TMPRSS4: variants seen among roughly 807,000 people sequenced by gnomAD.
TMPRSS4 encodes transmembrane protease serine 4.
TMPRSS4 carries 45 observed loss-of-function variants against 56.4 expected under a neutral mutation model. That is an observed-to-expected ratio of 0.80 (90% confidence interval 0.63 to 1.02). TMPRSS4 has a LOEUF of 1.02. Among genes scored for constraint, TMPRSS4 ranks in the 50% least tolerant of loss-of-function variants. The pLI, the probability that TMPRSS4 is intolerant of heterozygous loss-of-function variation, is 0.00. For missense variants in TMPRSS4, 546 were observed against 556.7 expected (o/e 0.98, Z 0.19); for synonymous variants, 205 against 211.0 (o/e 0.97, Z 0.25).
intron 1 of TMPRSS4, among the ~76,000 whole-genome samples, chr11:118,083,029 G>A (rs938767115): frequency 6.6e-6 from 1 of 151,498 alleles, no homozygotes; most frequent in Non-Finnish European, 1.5e-5. Context: ...CCCCACCCCC[G>A]CCACTTCTGC....
At position 118,115,763 on chromosome 11, in the gene TMPRSS4, C is replaced by G. The variant is rs552202774; in HGVS notation, c.1152+483C>G. ...GCTTGAACCCAGGAGGCAGAGGTTG[C>G]AGTAAGCTGAGATTGCGCCACTGCA... On this transcript the variant is annotated intron_variant, in intron 11 of 12. Coordinates refer to ENST00000437212, the MANE Select transcript of TMPRSS4 (RefSeq NM_019894.4). Among the ~76,000 whole-genome samples, 3 of 152,298 alleles carry G rather than the reference C, an allele frequency of 2.0e-5. No homozygotes were observed. The South Asian group carries it at 6.2e-4, about 32-fold the overall frequency.
At position 118,115,388 on chromosome 11, in the gene TMPRSS4, G is replaced by A; in HGVS notation, c.1152+108G>A. ...CTACAGGAAGCCTTGCATATCATGG[G>A]CACTCAATGTGTGATGATGGGAGGA... is the stretch of plus-strand genomic sequence containing the variant. On this transcript the variant is annotated intron_variant, in intron 11 of 12. Coordinates refer to ENST00000437212, the MANE Select transcript of TMPRSS4 (RefSeq NM_019894.4). 5 of 1,363,582 alleles carry A rather than the reference G, an allele frequency of 3.7e-6. No individual in the cohort carries two copies. In the South Asian group the frequency reaches 4.2e-5, roughly 11 times the overall value. The allele number at this position is 1,363,582 out of a possible 1,614,324, so 84.5% of individuals were successfully genotyped here.
intron 11 of TMPRSS4, among the ~76,000 whole-genome samples, chr11:118,116,857 G>A (rs1947583999): frequency 6.6e-6 from 1 of 151,808 alleles, no homozygotes; most frequent in African/African-American, 2.4e-5. Flanking sequence ...GATTACAGGT[G>A]CCTGCCACTA....
At chr11:118,125,090 C>T (rs1008029276), downstream of TMPRSS4, among the ~76,000 whole-genome samples, 15 of 152,346 alleles carry the variant, frequency 9.8e-5, no homozygotes, top group East Asian at 7.7e-4. Flanking sequence ...GGGTGGCCTT[C>T]GTTGCATGCA....
At chr11:118,108,711 A>T in intron 6 of TMPRSS4, 145 bp from the exon 7 acceptor site, 1 of 711,886 alleles carries the variant, frequency 1.4e-6, no homozygotes, top group Non-Finnish European at 2.4e-6. Flanking sequence ...ATGTCAATGC[A>T]GTCTCCAAAT....
At chr11:118,108,961 C>A in intron 7 of TMPRSS4, 65 bp downstream of exon 7, 1 of 1,554,458 alleles carries the variant, frequency 6.4e-7, no homozygotes, top group Non-Finnish European at 8.8e-7. Context: ...GGAAGACCTT[C>A]ATCTTCACTC....
intron 1 of TMPRSS4, among the ~76,000 whole-genome samples, chr11:118,090,821 AAC>A (rs375243175): frequency 0.042 from 5,917 of 139,916 alleles, 162 homozygotes; most frequent in East Asian, 0.13. Flanking sequence ...CACACACACA[AAC>A]ACACACACAC....
At chr11:118,123,336 A>C (rs1208562921), downstream of TMPRSS4, among the ~76,000 whole-genome samples, 1 of 152,232 alleles carries the variant, frequency 6.6e-6, no homozygotes, top group Non-Finnish European at 1.5e-5. Flanking sequence ...CTTCCCAAAA[A>C]TGTTTAACAT....
At chr11:118,105,497 GC>G (rs1946944503) in intron 5 of TMPRSS4, 1 of 152,112 alleles carries the variant, frequency 6.6e-6, no homozygotes, top group African/African-American at 2.4e-5. Flanking sequence ...TAGGGTACTA[GC>G]TGGGAGGTAG....
intron 2 of TMPRSS4, among the ~76,000 whole-genome samples, chr11:118,095,582 G>T (rs549033801): frequency 2.1e-4 from 32 of 152,276 alleles, no homozygotes; most frequent in Middle Eastern, 3.4e-3. Flanking sequence ...GTAGGCCATG[G>T]TGTCCCCAAG....
At chr11:118,103,283 G>A in intron 4 of TMPRSS4, 30 bp downstream of exon 4, 14 of 1,602,656 alleles carry the variant, frequency 8.7e-6, no homozygotes, top group Non-Finnish European at 1.1e-5. Flanking sequence ...CACAAGAGAA[G>A]TGGGCCCAGC....
downstream of TMPRSS4, among the ~76,000 whole-genome samples, chr11:118,124,325 C>T (rs1014933204): frequency 6.6e-6 from 1 of 152,074 alleles, no homozygotes; most frequent in African/African-American, 2.4e-5. Context: ...GCGGAGGTTG[C>T]AGTGAGCTGA....
chr11:118,119,323 A>G lies in TMPRSS4; in HGVS notation c.*1410A>G, dbSNP rs1947710406. The G allele has an allele frequency of 1.0e-6, 1 of 985,326 alleles. No individual in the cohort carries two copies. The highest frequency in any genetic ancestry group is 1.2e-6 in the Non-Finnish European group (1 of 829,936). The allele number at this position is 985,326 out of a possible 1,614,324, so 61.0% of individuals were successfully genotyped here. On this transcript the variant is annotated 3_prime_UTR_variant, in exon 13 of 13. Coordinates refer to ENST00000437212, the MANE Select transcript of TMPRSS4 (RefSeq NM_019894.4). ...AGGGCTCCTACATGAAGCAGGGATAACTGATGGCAGTAAATGTGGTCTCAA... is the reference window on the plus strand; with the variant it reads ...AGGGCTCCTACATGAAGCAGGGATAGCTGATGGCAGTAAATGTGGTCTCAA...
intron 5 of TMPRSS4, chr11:118,107,561 C>G: frequency 2.2e-6 from 1 of 452,932 alleles, no homozygotes; most frequent in Non-Finnish European, 4.0e-6. Context: ...CAGCAATGCA[C>G]TGAGGGTTGA....
At position 118,118,549 on chromosome 11, in the gene TMPRSS4, T is replaced by C. The variant is rs979284642; in HGVS notation, c.*636T>C. On this transcript the variant is annotated 3_prime_UTR_variant, in exon 13 of 13. Coordinates refer to ENST00000437212, the MANE Select transcript of TMPRSS4 (RefSeq NM_019894.4). ...GAGAAAAGAAGTCCTGGGGAAGCAATTGAGTCTCAAAGTAGAGGCAGGGGA... is the reference window on the plus strand; with the variant it reads ...GAGAAAAGAAGTCCTGGGGAAGCAACTGAGTCTCAAAGTAGAGGCAGGGGA... 5 of 985,362 alleles carry C rather than the reference T, an allele frequency of 5.1e-6. No homozygotes were observed. Among genetic ancestry groups the C allele is most frequent in the East Asian group, 1.1e-4 (1 of 8,824 alleles). The allele number at this position is 985,362 out of a possible 1,614,324, so 61.0% of individuals were successfully genotyped here.
rs534069124 is a variant in TMPRSS4, at chr11:118,118,122, C to T, written c.*209C>T. On this transcript the variant is annotated 3_prime_UTR_variant, in exon 13 of 13. Coordinates refer to ENST00000437212, the MANE Select transcript of TMPRSS4 (RefSeq NM_019894.4). ...CCAGAGGAAGTCAGCAGCCCTAGCTCGGCCACACTTGGTGCTCCCAGCATC... is the reference window on the plus strand; with the variant it reads ...CCAGAGGAAGTCAGCAGCCCTAGCTTGGCCACACTTGGTGCTCCCAGCATC... 14 of 1,425,738 alleles carry T rather than the reference C, an allele frequency of 9.8e-6. No individual in the cohort carries two copies. Among genetic ancestry groups the T allele is most frequent in the East Asian group, 2.5e-5 (1 of 39,396 alleles). 88.3% of individuals were successfully genotyped at this position (1,425,738 alleles called of 1,614,324 possible).
intron 1 of TMPRSS4, 74 bp downstream of exon 1, chr11:118,077,379 G>T: frequency 6.7e-7 from 1 of 1,491,764 alleles, no homozygotes; most frequent in Non-Finnish European, 9.0e-7. Flanking sequence ...CAAGCAGCCT[G>T]AGCATCCATC....
Position 118,115,185 on chromosome 11 carries a change from A to C in TMPRSS4, c.1057A>C (p.Ser353Arg), listed in dbSNP as rs1250542281. ...GCAGGCGTCAGTCCAGGTCATTGACAGCACACGGTGCAATGCAGACGATGC... is the reference window on the plus strand; with the variant it reads ...GCAGGCGTCAGTCCAGGTCATTGACCGCACACGGTGCAATGCAGACGATGC... ...LLQASVQVID[S>R]TRCNADDAYQ... The change falls in exon 11 of 13, where the codon AGC becomes CGC. Residue 353 changes from serine to arginine, a missense_variant. By Grantham distance (110) the Ser-to-Arg change is moderately radical. Coordinates refer to ENST00000437212, the MANE Select transcript of TMPRSS4 (RefSeq NM_019894.4). The C allele has an allele frequency of 6.2e-7, 1 of 1,612,858 alleles. No individual in the cohort carries two copies. Among genetic ancestry groups the C allele is most frequent in the South Asian group, 1.1e-5 (1 of 90,318 alleles).
chr11:118,118,161 C>T lies in TMPRSS4; in HGVS notation c.*248C>T, dbSNP rs1947662976. Reference sequence around the variant, plus strand: ...GCTCCCAGCATCCCAGGGAGAGACACAGCCCACTGAACAAGGTCTCAGGGG... The same window carrying T: ...GCTCCCAGCATCCCAGGGAGAGACATAGCCCACTGAACAAGGTCTCAGGGG... On this transcript the variant is annotated 3_prime_UTR_variant, in exon 13 of 13. Transcript: ENST00000437212. The T allele has an allele frequency of 7.1e-7, 1 of 1,414,956 alleles. No homozygotes were observed. The highest frequency in any genetic ancestry group is 2.6e-5 in the East Asian group (1 of 38,932). 87.7% of individuals were successfully genotyped at this position (1,414,956 alleles called of 1,614,324 possible). A position where few individuals can be genotyped will look rare whatever the true frequency, so the allele number is the denominator to read the frequency against.
Sources: allele counts gnomAD v4.1 joint callset (sites outside exome capture counted in the v4.1 genomes callset), GRCh38; gene constraint gnomAD v4.1.1; transcripts MANE v1.5; gene names NCBI Gene and HGNC (gene_info 2026-07-23, HGNC 2026-07-21).